Variants in ZNF430 observed in about 807,000 individuals in gnomAD.
The protein encoded by ZNF430 is zinc finger protein 430.
ZNF430 carries 35 observed loss-of-function variants against 56.7 expected under a neutral mutation model. That is an observed-to-expected ratio of 0.62 (90% CI 0.47 to 0.82). The LOEUF (loss-of-function observed/expected upper bound fraction) is 0.82. Among genes scored for constraint, ZNF430 ranks in the 40% least tolerant of loss-of-function variants. The pLI, the probability that ZNF430 is intolerant of heterozygous loss-of-function variation, is 0.00. For synonymous variants in ZNF430, 212 were observed against 224.3 expected (o/e 0.94, Z 0.49); for missense variants, 574 against 661.0 (o/e 0.87, Z 1.44).
intron 4 of ZNF430, among the ~76,000 whole-genome samples, chr19:21,050,057 T>C (rs1215836120): frequency 1.2e-5 from 1 of 81,446 alleles, no homozygotes; most frequent in Non-Finnish European, 2.5e-5. Context: ...TAATTTTTTG[T>C]ATTTTTTCAG....
At chr19:21,047,701 G>C (rs535592383) in intron 4 of ZNF430, among the ~76,000 whole-genome samples, 220 of 152,342 alleles carry the variant, frequency 1.4e-3, no homozygotes, top group South Asian at 0.011. Context: ...AGAGAGGACT[G>C]CTTGCTCCTT....
At chr19:21,037,869 G>A (rs2144767608) in intron 4 of ZNF430, among the ~76,000 whole-genome samples, 1 of 152,056 alleles carries the variant, frequency 6.6e-6, no homozygotes, top group South Asian at 2.1e-4. Flanking sequence ...TTCCATTTGT[G>A]TATCTTTTAT....
chr19:21,045,383 T>C (rs966281713), intron 4 of ZNF430, among the ~76,000 whole-genome samples: 1 of 152,236 alleles, frequency 6.6e-6, no homozygotes, highest in African/African-American at 2.4e-5. Flanking sequence ...CTTGTGTGGT[T>C]TTGAGTGAGT....
intron 4 of ZNF430, among the ~76,000 whole-genome samples, chr19:21,051,230 C>T (rs1000114095): frequency 2.0e-5 from 3 of 151,622 alleles, no homozygotes; most frequent in Non-Finnish European, 2.9e-5. Flanking sequence ...TCTACAGTCT[C>T]TTTTTGTGGC....
At chr19:21,032,599 T>C (rs542662053) in intron 2 of ZNF430, among the ~76,000 whole-genome samples, 1 of 152,226 alleles carries the variant, frequency 6.6e-6, no homozygotes, top group South Asian at 2.1e-4. Flanking sequence ...TGGTGGTACA[T>C]GCCTGTAATC....
chr19:21,057,337 A>G lies in ZNF430; in HGVS notation c.1029A>G (p.Lys343=). The G allele has an allele frequency of 6.2e-7, 1 of 1,613,492 alleles. No homozygotes were observed. The highest frequency in any genetic ancestry group is 1.1e-5 in the South Asian group (1 of 91,076). ...TTHKIIHTGE[K]PYKCEECGKA... Reference sequence around the variant, plus strand: ...ATAAGATTATTCATACTGGAGAGAAACCCTACAAATGTGAAGAATGTGGCA... The same window carrying G: ...ATAAGATTATTCATACTGGAGAGAAGCCCTACAAATGTGAAGAATGTGGCA... The change falls in exon 5 of 5, where the codon AAA becomes AAG. Residue 343 remains lysine, a synonymous_variant. Transcript: ENST00000261560.
chr19:21,048,164 C>CTTTT (rs536496163), intron 4 of ZNF430, among the ~76,000 whole-genome samples: 15 of 59,814 alleles, frequency 2.5e-4, no homozygotes, highest in South Asian at 1.2e-3. Flanking sequence ...CATAAAACAT[C>CTTTT]TTTTTTTTTT....
chr19:21,037,773 T>C (rs912405285), intron 4 of ZNF430, among the ~76,000 whole-genome samples: 1 of 152,184 alleles, frequency 6.6e-6, no homozygotes, highest in Admixed American at 6.5e-5. Context: ...GCCATTGTAA[T>C]GGGTATGACA....
At chr19:21,029,089 G>C (rs1413489357) in intron 2 of ZNF430, among the ~76,000 whole-genome samples, 5 of 152,254 alleles carry the variant, frequency 3.3e-5, no homozygotes, top group African/African-American at 1.2e-4. Context: ...AGGAGGTCTG[G>C]TGACTCAAAC....
At chr19:21,046,317 CAAAA>C (rs60881206) in intron 4 of ZNF430, among the ~76,000 whole-genome samples, 12 of 110,114 alleles carry the variant, frequency 1.1e-4, no homozygotes, top group African/African-American at 3.5e-4. Flanking sequence ...GACTCCATCT[CAAAA>C]AAAAAAAAAA....
intron 4 of ZNF430, among the ~76,000 whole-genome samples, chr19:21,038,616 C>T (rs1419280170): frequency 1.3e-5 from 2 of 151,710 alleles, no homozygotes; most frequent in Non-Finnish European, 2.9e-5. Context: ...TTAGTAGAGA[C>T]GGGGGTTTCA....
At chr19:21,032,659 G>A (rs751022060) in intron 2 of ZNF430, among the ~76,000 whole-genome samples, 6 of 151,932 alleles carry the variant, frequency 3.9e-5, no homozygotes, top group Admixed American at 1.3e-4. Context: ...CCCAGGAGGC[G>A]GAGGTTGCAG....
intron 4 of ZNF430, chr19:21,035,220 G>A (rs1043443546): frequency 1.3e-5 from 2 of 151,912 alleles, no homozygotes; most frequent in Non-Finnish European, 2.9e-5. Context: ...TTAAATTTGT[G>A]TCTTCTCTAA....
intron 2 of ZNF430, among the ~76,000 whole-genome samples, chr19:21,029,525 G>A (rs1967862875): frequency 6.6e-6 from 1 of 152,186 alleles, no homozygotes. Context: ...AGGAAAAACA[G>A]AACTGGAAAT....
intron 2 of ZNF430, among the ~76,000 whole-genome samples, chr19:21,032,119 T>A (rs1967913560): frequency 6.6e-6 from 1 of 152,188 alleles, no homozygotes; most frequent in Admixed American, 6.5e-5. Context: ...GGAGAATATG[T>A]AATGTTGAGG....
chr19:21,021,159 T>C (rs528653900), intron 1 of ZNF430, among the ~76,000 whole-genome samples: 1 of 152,242 alleles, frequency 6.6e-6, no homozygotes, highest in Admixed American at 6.5e-5. Flanking sequence ...AGTTCATGAA[T>C]GGGAAGAACT....
At chr19:21,054,216 T>G (rs1051430349) in intron 4 of ZNF430, among the ~76,000 whole-genome samples, 1 of 152,178 alleles carries the variant, frequency 6.6e-6, no homozygotes, top group Non-Finnish European at 1.5e-5. Context: ...TTTGTGTTTG[T>G]GCATATCTTT....
At chr19:21,020,925 T>C in intron 1 of ZNF430, 122 bp downstream of exon 1, 2 of 1,413,978 alleles carry the variant, frequency 1.4e-6, no homozygotes, top group South Asian at 2.4e-5. Context: ...CCCGAGTTCT[T>C]GCCCAGCTGG....
At chr19:21,026,483 G>A (rs1012576353) in intron 2 of ZNF430, among the ~76,000 whole-genome samples, 2 of 152,074 alleles carry the variant, frequency 1.3e-5, no homozygotes, top group Non-Finnish European at 2.9e-5. Flanking sequence ...CACCGTGCCC[G>A]GCCAATCTCT....
Sources: gnomAD v4.1 joint callset for allele counts (sites outside exome capture counted in the v4.1 genomes callset) on GRCh38, gnomAD v4.1.1 for gene constraint, MANE v1.5 for transcripts, NCBI Gene and HGNC (gene_info 2026-07-23, HGNC 2026-07-21) for gene names.